The following PDE7A variants were observed in gnomAD, a reference collection of about 807,000 sequenced individuals.
The protein encoded by PDE7A is phosphodiesterase 7A, also known as high affinity 3',5'-cyclic-AMP phosphodiesterase 7A.
In PDE7A, 39 loss-of-function variants were observed where a neutral mutation model predicts 64.3. That is an observed-to-expected ratio of 0.61 (90% confidence interval 0.47 to 0.79). PDE7A has a LOEUF of 0.79. Among genes scored for constraint, PDE7A ranks in the 30% least tolerant of loss-of-function variants. The pLI is 0.00. For synonymous variants in PDE7A, 203 were observed against 206.8 expected (o/e 0.98, Z 0.16); for missense variants, 470 against 582.8 (o/e 0.81, Z 1.99).
At position 65,716,536 on chromosome 8, in the gene PDE7A, T is replaced by C. The variant is rs1806151615; in HGVS notation, c.*2754A>G. 6.6e-6 allele frequency among the ~76,000 whole-genome samples: 1 copy of C among 152,202 alleles called. No individual in the cohort carries two copies. Among genetic ancestry groups the C allele is most frequent in the South Asian group, 2.1e-4 (1 of 4,826 alleles). On this transcript the variant is annotated 3_prime_UTR_variant, in exon 13 of 13. Coordinates refer to ENST00000401827, the MANE Select transcript of PDE7A (RefSeq NM_001242318.3). ...AATATCACAGAAGACATGGGTCTTC[T>C]GTGCACCCAAAGGGACATGGGTGCA...
intron 2 of PDE7A, 100 bp from the exon 3 acceptor site, chr8:65,779,903 A>G: frequency 1.6e-6 from 1 of 625,948 alleles, no homozygotes; most frequent in Non-Finnish European, 2.8e-6. Context: ...ATTCATAAGT[A>G]ACAGCCCACT....
chr8:65,737,236 G>C (rs945543789), intron 6 of PDE7A, among the ~76,000 whole-genome samples: 5 of 152,048 alleles, frequency 3.3e-5, no homozygotes, highest in Admixed American at 1.3e-4. Flanking sequence ...GATTCCTTAT[G>C]GCTTTAAGGC....
chr8:65,736,314 ATTGT>A (rs1361499135), intron 6 of PDE7A, among the ~76,000 whole-genome samples: 2 of 152,202 alleles, frequency 1.3e-5, no homozygotes, highest in African/African-American at 4.8e-5. Context: ...AAACTTATGA[ATTGT>A]TTACTTCTGG....
At chr8:65,839,934 A>C (rs1811038407) in intron 1 of PDE7A, among the ~76,000 whole-genome samples, 1 of 152,232 alleles carries the variant, frequency 6.6e-6, no homozygotes, top group African/African-American at 2.4e-5. Context: ...TATTATTCAG[A>C]CATAACTGGA....
chr8:65,723,058 A>G (rs903211662), intron 12 of PDE7A: 14 of 152,552 alleles, frequency 9.2e-5, no homozygotes, highest in Admixed American at 2.0e-4. Context: ...AAGCAAGATT[A>G]TAAGGGCCTG....
At chr8:65,776,287 T>G (rs1809257029) in intron 3 of PDE7A, among the ~76,000 whole-genome samples, 1 of 152,238 alleles carries the variant, frequency 6.6e-6, no homozygotes, top group Non-Finnish European at 1.5e-5. Context: ...GGGTTATTTC[T>G]GGATTCTATA....
intron 3 of PDE7A, among the ~76,000 whole-genome samples, chr8:65,761,394 G>C (rs1808487885): frequency 6.6e-6 from 1 of 152,096 alleles, no homozygotes; most frequent in Non-Finnish European, 1.5e-5. Context: ...AGCTCACTGT[G>C]ACATGAGACA....
At chr8:65,788,216 T>C (rs974802158) in intron 1 of PDE7A, among the ~76,000 whole-genome samples, 1 of 152,034 alleles carries the variant, frequency 6.6e-6, no homozygotes, top group Non-Finnish European at 1.5e-5. Context: ...TATAGAAGAA[T>C]AGAAAAAAAT....
chr8:65,746,427 T>C (rs763816175), intron 4 of PDE7A, among the ~76,000 whole-genome samples: 7 of 152,184 alleles, frequency 4.6e-5, no homozygotes, highest in Admixed American at 6.5e-5. Context: ...TTCTAACTTA[T>C]GGATATGTAT....
At chr8:65,805,428 T>G (rs1351802233) in intron 1 of PDE7A, among the ~76,000 whole-genome samples, 1 of 152,190 alleles carries the variant, frequency 6.6e-6, no homozygotes, top group Non-Finnish European at 1.5e-5. Context: ...TTACCCTATA[T>G]AAAGAAAATA....
At chr8:65,737,135 G>A (rs1388293303) in intron 6 of PDE7A, among the ~76,000 whole-genome samples, 1 of 151,946 alleles carries the variant, frequency 6.6e-6, no homozygotes, top group African/African-American at 2.4e-5. Flanking sequence ...AAAAACACCT[G>A]AGTTATTATT....
intron 3 of PDE7A, among the ~76,000 whole-genome samples, chr8:65,770,767 A>C (rs570243625): frequency 1.6e-4 from 24 of 152,352 alleles, no homozygotes; most frequent in Non-Finnish European, 2.8e-4. Context: ...CATATTACCA[A>C]ACTGCCCTCC....
chr8:65,727,808 T>C (rs913930681), intron 7 of PDE7A: 1 of 152,354 alleles, frequency 6.6e-6, no homozygotes, highest in Admixed American at 6.5e-5. Context: ...TCATGTTAAG[T>C]GGAAGTCTAT....
At chr8:65,813,079 G>T (rs1585938440) in intron 1 of PDE7A, among the ~76,000 whole-genome samples, 1 of 152,036 alleles carries the variant, frequency 6.6e-6, no homozygotes, top group African/African-American at 2.4e-5. Flanking sequence ...TTCAAGAAAA[G>T]GAAAAGATTT....
At chr8:65,740,239 G>A (rs1807353610) in intron 5 of PDE7A, among the ~76,000 whole-genome samples, 1 of 152,054 alleles carries the variant, frequency 6.6e-6, no homozygotes, top group African/African-American at 2.4e-5. Context: ...ACACTGCCCA[G>A]CAATCATATT....
intron 3 of PDE7A, among the ~76,000 whole-genome samples, chr8:65,752,167 C>T (rs1190564096): frequency 6.6e-6 from 1 of 152,184 alleles, no homozygotes; most frequent in African/African-American, 2.4e-5. Flanking sequence ...CTTCTTTCCC[C>T]TTTCCTCTTC....
chr8:65,771,263 A>G (rs977894526), intron 3 of PDE7A: 2 of 153,394 alleles, frequency 1.3e-5, no homozygotes, highest in African/African-American at 4.8e-5. Context: ...TCTTAAAAGA[A>G]AAGTTCAATA....
Position 65,717,823 on chromosome 8 carries a change from T to C in PDE7A, c.*1467A>G, listed in dbSNP as rs1265823720. On this transcript the variant is annotated 3_prime_UTR_variant, in exon 13 of 13. Coordinates refer to ENST00000401827, the MANE Select transcript of PDE7A (RefSeq NM_001242318.3). ...GGCTGTTGCAACAAACTGTAAACAA[T>C]TAATAAACAGTCTTTTACAGTAACA... 1 of 152,066 alleles carries C rather than the reference T, an allele frequency of 6.6e-6. No individual in the cohort carries two copies. Among genetic ancestry groups the C allele is most frequent in the Non-Finnish European group, 1.5e-5 (1 of 68,028 alleles). 9.4% of individuals were successfully genotyped at this position (152,066 alleles called of 1,614,324 possible). A position where few individuals can be genotyped will look rare whatever the true frequency, so the allele number is the denominator to read the frequency against.
intron 1 of PDE7A, among the ~76,000 whole-genome samples, chr8:65,829,244 T>C (rs1295882144): frequency 6.6e-6 from 1 of 152,176 alleles, no homozygotes; most frequent in African/African-American, 2.4e-5. Flanking sequence ...TAAAGGCAAG[T>C]AAGATATGTC....
Sources: allele counts gnomAD v4.1 joint callset (sites outside exome capture counted in the v4.1 genomes callset), GRCh38; gene constraint gnomAD v4.1.1; transcripts MANE v1.5; gene names NCBI Gene and HGNC (gene_info 2026-07-23, HGNC 2026-07-21).